CDH13: variants seen among roughly 807,000 people sequenced by gnomAD.
CDH13 encodes cadherin 13.
In CDH13, 24 loss-of-function variants were observed where a neutral mutation model predicts 63.8. That is an observed-to-expected ratio of 0.38 (90% confidence interval 0.27 to 0.53). The LOEUF is 0.53. CDH13 is among the 20% of genes least tolerant of loss of function. The pLI, the probability that CDH13 is intolerant of heterozygous loss-of-function variation, is 0.85. For synonymous variants in CDH13, 503 were observed against 355.3 expected (o/e 1.42, Z -4.67); for missense variants, 1,049 against 903.1 (o/e 1.16, Z -2.07).
chr16:83,315,930 C>T (rs2090095994), intron 5 of CDH13, among the ~76,000 whole-genome samples: 1 of 152,158 alleles, frequency 6.6e-6, no homozygotes, highest in Admixed American at 6.5e-5. Context: ...AGTTGATTTT[C>T]ACACTGCTCT....
intron 2 of CDH13, among the ~76,000 whole-genome samples, chr16:82,903,816 G>C (rs1298914152): frequency 6.6e-6 from 1 of 152,102 alleles, no homozygotes; most frequent in Non-Finnish European, 1.5e-5. Flanking sequence ...TATTATCCAT[G>C]TTTCGTAAAT....
chr16:82,921,043 C>G (rs1379700951), intron 2 of CDH13, among the ~76,000 whole-genome samples: 1 of 151,976 alleles, frequency 6.6e-6, no homozygotes, highest in Non-Finnish European at 1.5e-5. Context: ...TTAATTGATT[C>G]TTGAATATTA....
chr16:82,664,888 T>G (rs1211763507), intron 1 of CDH13, among the ~76,000 whole-genome samples: 2 of 152,220 alleles, frequency 1.3e-5, no homozygotes, highest in African/African-American at 2.4e-5. Flanking sequence ...TTTGTGGGTA[T>G]GTATGAATAC....
intron 1 of CDH13, among the ~76,000 whole-genome samples, chr16:82,717,033 A>G (rs1597392891): frequency 1.3e-5 from 2 of 152,066 alleles, no homozygotes; most frequent in East Asian, 3.9e-4. Flanking sequence ...GCTTGGCCAG[A>G]TGCTGCAGTT....
chr16:82,835,927 C>T (rs986129930), intron 1 of CDH13, among the ~76,000 whole-genome samples: 1 of 152,192 alleles, frequency 6.6e-6, no homozygotes, highest in African/African-American at 2.4e-5. Flanking sequence ...AAAACAGCTC[C>T]AGGCTCTTGA....
At chr16:82,688,638 G>A (rs753414739) in intron 1 of CDH13, among the ~76,000 whole-genome samples, 7 of 152,168 alleles carry the variant, frequency 4.6e-5, no homozygotes, top group Admixed American at 1.3e-4. Context: ...ACCATTTTGG[G>A]ATGGTTCTGA....
chr16:83,168,709 A>T (rs1357116769), intron 4 of CDH13, among the ~76,000 whole-genome samples: 1 of 152,176 alleles, frequency 6.6e-6, no homozygotes, highest in Non-Finnish European at 1.5e-5. Flanking sequence ...GTATAATTAA[A>T]TACATATTCA....
intron 3 of CDH13, among the ~76,000 whole-genome samples, chr16:83,073,591 A>G (rs55668348): frequency 0.05 from 7,655 of 152,176 alleles, 285 homozygotes; most frequent in Non-Finnish European, 0.072. Flanking sequence ...CTGCATTTAA[A>G]GAAGCTGAAT....
At chr16:82,761,957 A>G (rs2034872828) in intron 1 of CDH13, among the ~76,000 whole-genome samples, 2 of 152,232 alleles carry the variant, frequency 1.3e-5, no homozygotes, top group Admixed American at 1.3e-4. Flanking sequence ...CAGGTGAGAT[A>G]TGCATTAAAG....
chr16:83,508,145 G>GAA, intron 7 of CDH13, among the ~76,000 whole-genome samples: 1 of 121,726 alleles, frequency 8.2e-6, no homozygotes, highest in Non-Finnish European at 1.8e-5. Flanking sequence ...GGAAGGGGAG[G>GAA]GGAGGGGAGG....
chr16:83,431,869 G>A (rs1324292454), intron 6 of CDH13, among the ~76,000 whole-genome samples: 2 of 152,186 alleles, frequency 1.3e-5, no homozygotes, highest in Non-Finnish European at 2.9e-5. Flanking sequence ...AGATTTGGGT[G>A]GGGTCACAGA....
At position 82,671,059 on chromosome 16, in the gene CDH13, C is replaced by A. The variant is rs372117312; in HGVS notation, c.45+43922C>A. The stretch of plus-strand genomic sequence containing the variant: ...TATATGATCTTGGTAAATCCTCATG[C>A]CAGCCTTTCGTGGGTATTAGATGGC... On this transcript the variant is annotated intron_variant, in intron 1 of 13. Coordinates refer to ENST00000567109, the MANE Select transcript of CDH13 (RefSeq NM_001257.5). Among the ~76,000 whole-genome samples, 79 of 152,266 alleles carry A rather than the reference C, an allele frequency of 5.2e-4. 1 individual carries two copies. In the East Asian group the frequency reaches 0.01, roughly 19 times the overall value.
chr16:82,782,427 C>T (rs1002335170), intron 1 of CDH13, among the ~76,000 whole-genome samples: 2 of 151,984 alleles, frequency 1.3e-5, no homozygotes, highest in African/African-American at 4.8e-5. Context: ...AGGCAAGTGC[C>T]TGTAATCCTA....
chr16:83,260,066 G>GT (rs35895410), intron 5 of CDH13, among the ~76,000 whole-genome samples: 12 of 140,368 alleles, frequency 8.5e-5, no homozygotes, highest in African/African-American at 2.9e-4. Context: ...GTATATAATA[G>GT]TTTTTTTTTT....
intron 2 of CDH13, among the ~76,000 whole-genome samples, chr16:82,920,314 C>A (rs1402602893): frequency 6.6e-6 from 1 of 152,190 alleles, no homozygotes; most frequent in Non-Finnish European, 1.5e-5. Context: ...AGGTAGTTGC[C>A]AGCAGCTCCA....
chr16:82,789,254 T>C (rs2036171180), intron 1 of CDH13, among the ~76,000 whole-genome samples: 1 of 152,210 alleles, frequency 6.6e-6, no homozygotes, highest in South Asian at 2.1e-4. Context: ...AGAGTAGGTG[T>C]TCCTCAGGTT....
chr16:83,748,258 C>G lies in CDH13; in HGVS notation c.1681+8C>G, dbSNP rs375942071. The stretch of plus-strand genomic sequence containing the variant: ...TCCTGGCAATTGACAGTGGTGAGTA[C>G]TTGACAAAGACCATCAAGGGTATAC... On this transcript the variant is annotated splice_region_variant and intron_variant, in intron 11 of 13. Transcript: ENST00000567109. The G allele has an allele frequency of 2.9e-4, 461 of 1,597,068 alleles. 3 individuals are homozygous for G. The highest frequency in any genetic ancestry group is 2.8e-3 in the South Asian group (249 of 89,276).
At position 83,799,771 on chromosome 16, in the gene CDH13, T is replaced by C. The variant is rs1194992391; in HGVS notation, c.*4741T>C. On this transcript the variant is annotated 3_prime_UTR_variant, in exon 14 of 14. Coordinates refer to ENST00000567109, the MANE Select transcript of CDH13 (RefSeq NM_001257.5). ...CACAATTAACAATTCTTTTACTATA[T>C]GCAATGTGTTACCCTTACTATATTT... is the stretch of plus-strand genomic sequence containing the variant. 2.0e-5 allele frequency: 3 copies of C among 152,224 alleles called. No homozygotes were observed. The highest frequency in any genetic ancestry group is 3.8e-4 in the East Asian group (2 of 5,200). The allele number at this position is 152,224 out of a possible 1,614,324, so 9.4% of individuals were successfully genotyped here.
intron 7 of CDH13, among the ~76,000 whole-genome samples, chr16:83,582,145 G>T (rs1022317580): frequency 2.6e-5 from 4 of 152,182 alleles, no homozygotes; most frequent in Admixed American, 2.6e-4. Flanking sequence ...GAGTAGCAGG[G>T]TCCCAGGATC....
Sources: gnomAD v4.1 joint callset for allele counts (sites outside exome capture counted in the v4.1 genomes callset) on GRCh38, gnomAD v4.1.1 for gene constraint, MANE v1.5 for transcripts, NCBI Gene and HGNC (gene_info 2026-07-23, HGNC 2026-07-21) for gene names.